Variants in GLT8D2 observed in about 807,000 individuals in gnomAD.
GLT8D2 encodes the protein glycosyltransferase 8 domain containing 2.
In GLT8D2, 45 loss-of-function variants were observed where a neutral mutation model predicts 44.5. That is an observed-to-expected ratio of 1.01 (90% CI 0.80 to 1.30). The LOEUF (loss-of-function observed/expected upper bound fraction) is 1.30. Ranked by LOEUF, GLT8D2 falls within the 50% of genes most tolerant of loss-of-function variation. The probability of loss-of-function intolerance (pLI) is 0.00; values close to 1 mark genes in which losing one functional copy is unlikely to be tolerated. For missense variants in GLT8D2, 400 were observed against 430.4 expected (o/e 0.93, Z 0.62); for synonymous variants, 156 against 157.2 (o/e 0.99, Z 0.06).
chr12:104,039,620 G>A (rs1415272634), intron 1 of GLT8D2, among the ~76,000 whole-genome samples: 1 of 152,202 alleles, frequency 6.6e-6, no homozygotes, highest in South Asian at 2.1e-4. Flanking sequence ...CAGTTAGAAT[G>A]GCGATCATTA....
chr12:104,041,620 C>T (rs972210248), intron 1 of GLT8D2, among the ~76,000 whole-genome samples: 2 of 152,096 alleles, frequency 1.3e-5, no homozygotes, highest in African/African-American at 4.8e-5. Flanking sequence ...GATAAGGGCC[C>T]AACCCAGGAC....
intron 6 of GLT8D2, 180 bp downstream of exon 6, chr12:103,999,217 C>T: frequency 3.7e-6 from 2 of 544,674 alleles, no homozygotes; most frequent in Non-Finnish European, 3.3e-6. Context: ...TTCTATAAAC[C>T]ATCTTAAATC....
chr12:104,052,793 G>A (rs753436892), upstream of GLT8D2, among the ~76,000 whole-genome samples: 28 of 151,940 alleles, frequency 1.8e-4, no homozygotes, highest in African/African-American at 6.5e-4. Context: ...ATGTAGAGAC[G>A]TGTCTTGCTA....
intron 10 of GLT8D2, among the ~76,000 whole-genome samples, chr12:103,991,434 C>G (rs944493254): frequency 6.6e-6 from 1 of 152,086 alleles, no homozygotes; most frequent in Non-Finnish European, 1.5e-5. Context: ...GTGATCCACC[C>G]GCTTCAACCT....
chr12:104,036,129 C>T (rs1367957106), intron 1 of GLT8D2, among the ~76,000 whole-genome samples: 1 of 152,180 alleles, frequency 6.6e-6, no homozygotes, highest in African/African-American at 2.4e-5. Context: ...TTGTCACCAC[C>T]AGGCTTGCCT....
At chr12:104,036,662 C>T (rs907598242) in intron 1 of GLT8D2, among the ~76,000 whole-genome samples, 2 of 152,186 alleles carry the variant, frequency 1.3e-5, no homozygotes, top group Non-Finnish European at 2.9e-5. Context: ...ATTCATAAAG[C>T]AAGTCCTTAG....
At chr12:104,028,225 G>C (rs560251729) in intron 1 of GLT8D2, among the ~76,000 whole-genome samples, 107 of 152,316 alleles carry the variant, frequency 7.0e-4, no homozygotes, top group Non-Finnish European at 1.4e-3. Context: ...TATGGCAGGA[G>C]TGGTGTCCTT....
intron 8 of GLT8D2, 40 bp downstream of exon 8, chr12:103,996,695 G>C (rs1395144248): frequency 7.0e-7 from 1 of 1,418,764 alleles, no homozygotes; most frequent in Admixed American, 1.7e-5. Context: ...GGCCAGAGTT[G>C]TAGAGTGAAG....
chr12:104,030,275 T>C (rs1420647379), intron 1 of GLT8D2, among the ~76,000 whole-genome samples: 1 of 152,224 alleles, frequency 6.6e-6, no homozygotes, highest in East Asian at 1.9e-4. Flanking sequence ...CTTTAGTAAG[T>C]GGTGCTGGGA....
intron 1 of GLT8D2, among the ~76,000 whole-genome samples, chr12:104,047,542 G>A (rs973630774): frequency 2.6e-5 from 4 of 152,098 alleles, no homozygotes; most frequent in Non-Finnish European, 5.9e-5. Flanking sequence ...CCGACCTCAA[G>A]TGATCCACCT....
intron 3 of GLT8D2, among the ~76,000 whole-genome samples, chr12:104,017,039 C>T (rs1266980656): frequency 6.6e-6 from 1 of 152,086 alleles, no homozygotes; most frequent in Non-Finnish European, 1.5e-5. Context: ...ACAGTGTTTT[C>T]TTGAGTATGG....
chr12:104,047,961 T>G (rs1281174030), intron 1 of GLT8D2, among the ~76,000 whole-genome samples: 1 of 152,228 alleles, frequency 6.6e-6, no homozygotes, highest in Non-Finnish European at 1.5e-5. Context: ...ATTTTTTGTT[T>G]CTCTGCTGTT....
At chr12:103,991,463 T>C (rs964262770) in intron 10 of GLT8D2, among the ~76,000 whole-genome samples, 7 of 152,210 alleles carry the variant, frequency 4.6e-5, no homozygotes, top group African/African-American at 1.7e-4. Context: ...ACTGGGATTA[T>C]AGGCATGAGC....
chr12:104,049,851 TA>T, intron 1 of GLT8D2, 43 bp downstream of exon 1: 1 of 152,350 alleles, frequency 6.6e-6, no homozygotes, highest in Non-Finnish European at 1.5e-5. Context: ...CCGGCCAGGA[TA>T]AAACGGAACG....
intron 5 of GLT8D2, among the ~76,000 whole-genome samples, chr12:104,001,100 C>A (rs1445604068): frequency 6.6e-6 from 1 of 152,196 alleles, no homozygotes; most frequent in African/African-American, 2.4e-5. Context: ...TACATGTACA[C>A]ACTTACAGTT....
At chr12:104,037,499 A>G (rs981727815) in intron 1 of GLT8D2, among the ~76,000 whole-genome samples, 1 of 152,254 alleles carries the variant, frequency 6.6e-6, no homozygotes, top group Non-Finnish European at 1.5e-5. Context: ...TAGTACCATC[A>G]GAGAATACTA....
At chr12:103,990,078 AATATATATATATATATATATATAT>A (rs57178471) in intron 10 of GLT8D2, among the ~76,000 whole-genome samples, 8,964 of 122,222 alleles carry the variant, frequency 0.073, 477 homozygotes, top group African/African-American at 0.097. Context: ...TATGTGTACA[AATATATATATATATATATATATAT>A]ATATATATAT....
At chr12:104,005,110 T>C (rs1874800133) in intron 4 of GLT8D2, among the ~76,000 whole-genome samples, 1 of 152,044 alleles carries the variant, frequency 6.6e-6, no homozygotes, top group South Asian at 2.1e-4. Context: ...TTGACAAACC[T>C]GACAAAAACA....
chr12:103,995,231 G>C (rs1026997471), intron 8 of GLT8D2, among the ~76,000 whole-genome samples: 1 of 152,014 alleles, frequency 6.6e-6, no homozygotes, highest in Non-Finnish European at 1.5e-5. Context: ...TCTCCTCTAA[G>C]CTCCTCCAAT....
Sources: allele counts gnomAD v4.1 joint callset (sites outside exome capture counted in the v4.1 genomes callset), GRCh38; gene constraint gnomAD v4.1.1; transcripts MANE v1.5; gene names NCBI Gene and HGNC (gene_info 2026-07-23, HGNC 2026-07-21).